Variants in BCAR3 observed in about 807,000 individuals in gnomAD.
The protein encoded by BCAR3 is breast cancer anti-estrogen resistance protein 3.
A neutral mutation model predicts 80.1 loss-of-function variants in BCAR3; 37 were observed. The observed-to-expected ratio is 0.46, with a 90% CI of 0.36 to 0.61. BCAR3 has a LOEUF of 0.61. Among genes scored for constraint, BCAR3 ranks in the 20% least tolerant of loss-of-function variants. BCAR3 has a pLI of 0.00. For synonymous variants in BCAR3, 389 were observed against 418.9 expected, an observed-to-expected ratio of 0.93 and a Z score of 0.87; for missense variants, 978 against 1,068.2, an observed-to-expected ratio of 0.92 and a Z score of 1.18.
chr1:93,657,742 GAAAAGA>G (rs1276999790), intron 2 of BCAR3, among the ~76,000 whole-genome samples: 1 of 150,390 alleles, frequency 6.6e-6, no homozygotes, highest in Non-Finnish European at 1.5e-5. Flanking sequence ...AAAAAAAAAT[GAAAAGA>G]AAAAGAAAAA....
chr1:93,843,331 G>C (rs1463951506), intron 2 of BCAR3, among the ~76,000 whole-genome samples: 1 of 152,146 alleles, frequency 6.6e-6, no homozygotes, highest in Non-Finnish European at 1.5e-5. Flanking sequence ...ACTGTCCTTT[G>C]TTTCTGCAGG....
intron 2 of BCAR3, among the ~76,000 whole-genome samples, chr1:93,649,507 GA>G (rs961691470): frequency 2.0e-5 from 3 of 149,688 alleles, no homozygotes; most frequent in Non-Finnish European, 3.0e-5. Flanking sequence ...TAGAGAAAGG[GA>G]AAAAAAGATT....
chr1:93,731,117 T>C (rs1329095407), intron 2 of BCAR3, among the ~76,000 whole-genome samples: 1 of 152,210 alleles, frequency 6.6e-6, no homozygotes. Flanking sequence ...TCTTCAGAAC[T>C]GCCAGTGTCA....
chr1:93,592,374 A>C lies in BCAR3; in HGVS notation c.377T>G (p.Ile126Ser). The part of the protein sequence containing the change: ...EYVKFSKERH[I>S]MDRTPEKLKK... ...CAGTTTCTCGGGGGTCCTGTCCATGATGTGCCTCTCCTTGGAGAACTGCAA... is the reference window on the plus strand; with the variant it reads ...CAGTTTCTCGGGGGTCCTGTCCATGCTGTGCCTCTCCTTGGAGAACTGCAA... Residue 126 changes from isoleucine (I) to serine (S), a missense_variant, in exon 4 of 12, where the codon ATC becomes AGC. Transcript: ENST00000260502. This position sits in a 1 kb window ranked among gnomAD's most constrained non-coding sequence, Gnocchi z 4.8. 6.3e-7 allele frequency: 1 copy of C among 1,599,122 alleles called. No individual in the cohort carries two copies. The highest frequency in any genetic ancestry group is 8.5e-7 in the Non-Finnish European group (1 of 1,177,362).
intron 2 of BCAR3, among the ~76,000 whole-genome samples, chr1:93,744,808 T>A (rs543166252): frequency 1.3e-5 from 2 of 152,224 alleles, no homozygotes; most frequent in Admixed American, 1.3e-4. Flanking sequence ...TTTCATGTCT[T>A]CCCCACGAGG....
intron 3 of BCAR3, among the ~76,000 whole-genome samples, chr1:93,605,206 G>A (rs1674739428): frequency 6.6e-6 from 1 of 152,166 alleles, no homozygotes; most frequent in South Asian, 2.1e-4. Flanking sequence ...TCCTCCTAGA[G>A]AGAAGTCGGA....
rs186421692 is a variant in BCAR3 at position 93,809,941 on chromosome 1, C to T, written c.-63+35626G>A. Among the ~76,000 whole-genome samples, 15 of 152,106 alleles carry T rather than the reference C, an allele frequency of 9.9e-5. No individual in the cohort carries two copies. The East Asian group carries it at 2.5e-3, about 26-fold the overall frequency. ...GCTGGCCCGATGCGGTGGCTCACGC[C>T]TGTAATCCCAGAACTTTGGGAGGTC... On this transcript the variant is annotated intron_variant, in intron 2 of 13. Transcript: ENST00000370244.
intron 10 of BCAR3, 25 bp downstream of exon 10, chr1:93,567,715 A>G: frequency 6.3e-7 from 1 of 1,596,222 alleles, no homozygotes; most frequent in Non-Finnish European, 8.6e-7. Context: ...GGGTAGCCCC[A>G]TGCTTGCTCT....
chr1:93,832,615 C>G (rs1654607472), intron 2 of BCAR3, among the ~76,000 whole-genome samples: 2 of 152,136 alleles, frequency 1.3e-5, no homozygotes, highest in South Asian at 4.1e-4. Flanking sequence ...AAGTCCATCC[C>G]CTTCTTAATC....
chr1:93,677,247 G>C (rs77085114), intron 1 of BCAR3, among the ~76,000 whole-genome samples: 3,711 of 152,276 alleles, frequency 0.024, 146 homozygotes, highest in African/African-American at 0.083. Context: ...GTTAACATGT[G>C]GGGAAAAGCC....
At chr1:93,765,951 C>T (rs567965718) in intron 2 of BCAR3, among the ~76,000 whole-genome samples, 15 of 152,284 alleles carry the variant, frequency 9.9e-5, no homozygotes, top group African/African-American at 3.6e-4. Flanking sequence ...AGGCATAAGC[C>T]ACCGCTCCTG....
chr1:93,790,371 GTAAT>G (rs947956205), intron 2 of BCAR3, among the ~76,000 whole-genome samples: 9 of 152,100 alleles, frequency 5.9e-5, no homozygotes, highest in African/African-American at 2.2e-4. Context: ...ATCCAGAACT[GTAAT>G]TAACTGATGA....
intron 11 of BCAR3, among the ~76,000 whole-genome samples, chr1:93,565,840 C>T (rs943582551): frequency 6.6e-6 from 1 of 152,194 alleles, no homozygotes; most frequent in African/African-American, 2.4e-5. Context: ...AATGGAGTCT[C>T]CTGCCCCCAC....
chr1:93,755,564 G>A (rs1651714185), intron 2 of BCAR3, among the ~76,000 whole-genome samples: 1 of 152,158 alleles, frequency 6.6e-6, no homozygotes, highest in South Asian at 2.1e-4. Context: ...TGCTGTAAAG[G>A]TTTGTAGCCT....
In BCAR3 at chr1:93,571,619, G is replaced by A. The variant is rs1019583270; in HGVS notation, c.1974+51C>T. ...TAGTCTGATTTGCCAAACATGGCAT[G>A]CAGATCTCTTTACAGAACATTAAGT... is the stretch of plus-strand genomic sequence containing the variant. On this transcript the variant is annotated intron_variant, in intron 9 of 11. Transcript: ENST00000260502. The A allele has an allele frequency of 2.5e-6, 4 of 1,598,334 alleles. No homozygotes were observed. The African/African-American group carries it at 5.4e-5, about 21-fold the overall frequency.
At chr1:93,613,789 T>C in intron 3 of BCAR3, 7 of 1,531,722 alleles carry the variant, frequency 4.6e-6, no homozygotes, top group Middle Eastern at 1.7e-4. Flanking sequence ...AGGAAACTCA[T>C]GCTTTCAGGG....
intron 2 of BCAR3, among the ~76,000 whole-genome samples, chr1:93,711,899 A>C (rs1650040248): frequency 6.6e-6 from 1 of 152,118 alleles, no homozygotes; most frequent in Non-Finnish European, 1.5e-5. Flanking sequence ...AAAAAAATGC[A>C]ATGCCAACTC....
chr1:93,746,135 G>A (rs541188927), intron 2 of BCAR3, among the ~76,000 whole-genome samples: 77 of 152,266 alleles, frequency 5.1e-4, no homozygotes, highest in African/African-American at 1.7e-3. Context: ...ATCAGCTCAG[G>A]GATTTGCAAG....
Position 93,633,951 on chromosome 1 carries a change from T to C in BCAR3, c.357+8353A>G, listed in dbSNP as rs563615493. ...AGCTTGCTTTTTAAGGTCAGGCTTA[T>C]TGGGTATAATTTGCATTCAGCAAAA... On this transcript the variant is annotated intron_variant, in intron 3 of 11. Transcript: ENST00000260502. Among the ~76,000 whole-genome samples the C allele has an allele frequency of 3.9e-5, 6 of 152,346 alleles. No individual in the cohort carries two copies. The East Asian group carries it at 1.2e-3, about 29-fold the overall frequency.
Sources: allele counts gnomAD v4.1 joint callset (sites outside exome capture counted in the v4.1 genomes callset), GRCh38; gene constraint gnomAD v4.1.1; non-coding constraint Gnocchi (gnomAD v3.1); transcripts MANE v1.5; gene names NCBI Gene and HGNC (gene_info 2026-07-23, HGNC 2026-07-21).